KIAA0753: variants seen among roughly 807,000 people sequenced by gnomAD.
KIAA0753 encodes protein moonraker.
KIAA0753 carries 114 observed loss-of-function variants against 116.9 expected under a neutral mutation model. The observed-to-expected ratio is 0.98, with a 90% confidence interval of 0.84 to 1.14. The LOEUF (loss-of-function observed/expected upper bound fraction) is 1.14. Ranked by LOEUF, KIAA0753 falls within the 50% of genes most tolerant of loss-of-function variation. The pLI, the probability that KIAA0753 is intolerant of heterozygous loss-of-function variation, is 0.00. For synonymous variants in KIAA0753, 405 were observed against 413.1 expected, an observed-to-expected ratio of 0.98 and a Z score of 0.24; for missense variants, 1,156 against 1,172.4, an observed-to-expected ratio of 0.99 and a Z score of 0.20.
intron 15 of KIAA0753, 132 bp downstream of exon 15, chr17:6,596,026 G>A (rs965516278): frequency 2.4e-6 from 2 of 831,448 alleles, no homozygotes; most frequent in African/African-American, 3.4e-5. Flanking sequence ...ACAGTTAGTT[G>A]GCAATAGAGC....
intron 18 of KIAA0753, among the ~76,000 whole-genome samples, chr17:6,589,003 G>A (rs1486830864): frequency 6.6e-6 from 1 of 152,076 alleles, no homozygotes; most frequent in Non-Finnish European, 1.5e-5. Flanking sequence ...TCCTGCCCAG[G>A]AATATTTTGT....
chr17:6,622,392 C>T (rs1971386232), intron 6 of KIAA0753, among the ~76,000 whole-genome samples: 1 of 152,208 alleles, frequency 6.6e-6, no homozygotes, highest in Admixed American at 6.5e-5. Flanking sequence ...AAACTAAGAA[C>T]ACTATCAATT....
chr17:6,585,313 C>G (rs1423481140), intron 18 of KIAA0753, among the ~76,000 whole-genome samples: 1 of 152,084 alleles, frequency 6.6e-6, no homozygotes, highest in Non-Finnish European at 1.5e-5. Context: ...CTCAAATTTC[C>G]TTTTCATAAT....
At chr17:6,593,349 C>A (rs568213140) in intron 16 of KIAA0753, among the ~76,000 whole-genome samples, 2 of 151,080 alleles carry the variant, frequency 1.3e-5, no homozygotes, top group South Asian at 2.1e-4. Context: ...GGAGGCCGGG[C>A]GCAATGGCTC....
rs1209340084 is a variant in KIAA0753 at position 6,628,208 on chromosome 17, G to A, written c.627C>T (p.Asn209=). 2 of 1,613,884 alleles carry A rather than the reference G, an allele frequency of 1.2e-6. No homozygotes were observed. Among genetic ancestry groups the A allele is most frequent in the Non-Finnish European group, 8.5e-7 (1 of 1,179,946 alleles). The change falls in exon 3 of 19, where the codon AAC becomes AAT. Residue 209 remains asparagine (N), a synonymous_variant. Transcript: ENST00000361413. ...CTAGCAGGCTTTTCTGTTCACTTAT[G>A]TTTTTGTGGTCACCTATCCTGGGAT... The part of the protein sequence containing the change: ...QPHPRIGDHK[N]ISEQKSLLEV...
At position 6,639,814 on chromosome 17, in the gene KIAA0753, T is replaced by C. The variant is rs1262525521; in HGVS notation, c.-69+823A>G. On this transcript the variant is annotated intron_variant, in intron 1 of 18. Coordinates refer to ENST00000361413, the MANE Select transcript of KIAA0753 (RefSeq NM_014804.3). The surrounding 1 kb of genome is among the most constrained non-coding windows in gnomAD (Gnocchi z 4.3). The stretch of plus-strand genomic sequence containing the variant: ...CATAGCCTGCACCTTCAGCCACAGG[T>C]GCAGAATGCTCTCATGGCCCAGAGA... The C allele has an allele frequency of 6.5e-6, 1 of 152,792 alleles. No homozygotes were observed. The highest frequency in any genetic ancestry group is 1.5e-5 in the Non-Finnish European group (1 of 68,200). The allele number at this position is 152,792 out of a possible 1,614,324, so 9.5% of individuals were successfully genotyped here.
At chr17:6,594,459 G>C (rs1415611705) in intron 16 of KIAA0753, among the ~76,000 whole-genome samples, 4 of 152,148 alleles carry the variant, frequency 2.6e-5, no homozygotes, top group Non-Finnish European at 5.9e-5. Context: ...AAGAAGTCTA[G>C]GCAAAAGAGT....
intron 17 of KIAA0753, 147 bp downstream of exon 17, chr17:6,590,363 C>T: frequency 1.2e-6 from 1 of 851,242 alleles, no homozygotes; most frequent in South Asian, 1.7e-5. Context: ...TGTAAACATG[C>T]TATTTACTCA....
At chr17:6,595,160 T>C in intron 15 of KIAA0753, 107 bp from the exon 16 acceptor site, 1 of 727,656 alleles carries the variant, frequency 1.4e-6, no homozygotes, top group South Asian at 1.7e-5. Flanking sequence ...GATACGGACG[T>C]ACTGCCAGAC....
At chr17:6,588,280 A>C (rs573722231) in intron 18 of KIAA0753, among the ~76,000 whole-genome samples, 2 of 152,296 alleles carry the variant, frequency 1.3e-5, no homozygotes, top group South Asian at 4.1e-4. Flanking sequence ...GTTTCAAGAA[A>C]TTTCCTCCAA....
intron 3 of KIAA0753, among the ~76,000 whole-genome samples, chr17:6,626,950 T>C (rs940627021): frequency 6.6e-6 from 1 of 152,054 alleles, no homozygotes; most frequent in Non-Finnish European, 1.5e-5. Flanking sequence ...TAGGTAGGGG[T>C]CCATGCCACA....
At chr17:6,627,044 T>C (rs1971714117) in intron 3 of KIAA0753, among the ~76,000 whole-genome samples, 1 of 152,224 alleles carries the variant, frequency 6.6e-6, no homozygotes, top group Admixed American at 6.5e-5. Context: ...TTGTTCATGA[T>C]ATTATACAAC....
chr17:6,608,271 G>A, intron 10 of KIAA0753, 77 bp downstream of exon 10: 1 of 573,374 alleles, frequency 1.7e-6, no homozygotes, highest in African/African-American at 1.9e-5. Context: ...GTAGGAAAGA[G>A]AAGAAAGGGT....
Position 6,598,715 on chromosome 17 carries a change from T to C in KIAA0753, c.2172+522A>G, listed in dbSNP as rs538452004. Among the ~76,000 whole-genome samples, 7 of 152,268 alleles carry C rather than the reference T, an allele frequency of 4.6e-5. No homozygotes were observed. The South Asian group carries it at 1.4e-3, about 32-fold the overall frequency. ...GGTCCTCCAGAGGAAGAGTACAGAG[T>C]GGACAACAAGAAAATGTGCTTTTAT... On this transcript the variant is annotated intron_variant, in intron 14 of 18. Coordinates refer to ENST00000361413, the MANE Select transcript of KIAA0753 (RefSeq NM_014804.3).
chr17:6,595,560 G>GTGCGATGGAAAAGAAAACGC (rs1228734864), intron 15 of KIAA0753, among the ~76,000 whole-genome samples: 1 of 152,126 alleles, frequency 6.6e-6, no homozygotes, highest in Non-Finnish European at 1.5e-5. Context: ...TTTAATCATG[G>GTGCGATGGAAAAGAAAACGC]TGCGATGGAA....
chr17:6,613,822 G>A (rs1349965460), intron 7 of KIAA0753, among the ~76,000 whole-genome samples: 1 of 152,210 alleles, frequency 6.6e-6, no homozygotes, highest in East Asian at 1.9e-4. Context: ...GGGCAGAAGA[G>A]ACTTTCTTAA....
Position 6,628,625 on chromosome 17 carries a change from G to C in KIAA0753, c.210C>G (p.Tyr70Ter). Reference sequence around the variant, plus strand: ...CTCTACAATCTGCATCTTTACAATGGTATGATTCATTGTATGAGTGCTTCA... The same window carrying C: ...CTCTACAATCTGCATCTTTACAATGCTATGATTCATTGTATGAGTGCTTCA... ...EKLKHSYNESYHCKDADCRVG... is the reference protein window; with the variant it reads ...EKLKHSYNES The change falls in exon 3 of 19, where the codon TAC becomes TAG. Residue 70 changes from tyrosine to a stop codon, truncating the protein, a stop_gained. Coordinates refer to ENST00000361413, the MANE Select transcript of KIAA0753 (RefSeq NM_014804.3). LOFTEE classifies it high-confidence loss of function. 1.9e-6 allele frequency: 3 copies of C among 1,614,014 alleles called. No homozygotes were observed. Among genetic ancestry groups the C allele is most frequent in the Non-Finnish European group, 2.5e-6 (3 of 1,179,864 alleles).
intron 18 of KIAA0753, among the ~76,000 whole-genome samples, chr17:6,589,460 C>T (rs779518625): frequency 6.6e-6 from 1 of 150,474 alleles, no homozygotes; most frequent in Non-Finnish European, 1.5e-5. Flanking sequence ...CTGACTAGAA[C>T]CCGATGGTAT....
At chr17:6,615,614 CAAAAAAAAAAAAAAA>C (rs60310389) in intron 7 of KIAA0753, among the ~76,000 whole-genome samples, 3 of 58,752 alleles carry the variant, frequency 5.1e-5, no homozygotes, top group East Asian at 5.2e-4. Context: ...GACTCCGTCT[CAAAAAAAAAAAAAAA>C]AAAAAAAAAA....
Sources: allele counts gnomAD v4.1 joint callset (sites outside exome capture counted in the v4.1 genomes callset), GRCh38; gene constraint gnomAD v4.1.1; non-coding constraint Gnocchi (gnomAD v3.1); transcripts MANE v1.5; gene names NCBI Gene and HGNC (gene_info 2026-07-23, HGNC 2026-07-21).